Variants in RBFOX1 observed in about 807,000 individuals in gnomAD.
RBFOX1 encodes the protein RNA binding fox-1 homolog 1.
In RBFOX1, 8 loss-of-function variants were observed where a neutral mutation model predicts 57.7. The observed-to-expected ratio is 0.14, with a 90% CI of 0.08 to 0.25. The LOEUF (loss-of-function observed/expected upper bound fraction) is 0.25. RBFOX1 is among the 10% of genes least tolerant of loss of function. RBFOX1 has a pLI of 1.00. For missense variants in RBFOX1, 611 were observed against 548.5 expected, an observed-to-expected ratio of 1.11 and a Z score of -1.14; for synonymous variants, 326 against 222.4, an observed-to-expected ratio of 1.47 and a Z score of -4.15.
intron 2 of RBFOX1, among the ~76,000 whole-genome samples, chr16:5,572,422 G>T (rs2046313431): frequency 6.6e-6 from 1 of 152,192 alleles, no homozygotes; most frequent in Admixed American, 6.5e-5. Context: ...TCTTGGCGCT[G>T]TTAACATTTT....
chr16:6,238,496 G>A lies in RBFOX1; in HGVS notation c.-126-78499G>A, dbSNP rs1047953602. Among the ~76,000 whole-genome samples, 9 of 152,110 alleles carry A rather than the reference G, an allele frequency of 5.9e-5. No individual in the cohort carries two copies. The East Asian group carries it at 1.5e-3, about 26-fold the overall frequency. On this transcript the variant is annotated intron_variant, in intron 1 of 15. Coordinates refer to ENST00000550418, the MANE Select transcript of RBFOX1 (RefSeq NM_018723.4). ...AAAATAACAGATTTTATGGTACTTC[G>A]CTGTGGTTTTTCCATATGTCCAAAC...
At chr16:5,440,474 G>T (rs1041837058) in intron 1 of RBFOX1, among the ~76,000 whole-genome samples, 1 of 152,210 alleles carries the variant, frequency 6.6e-6, no homozygotes. Context: ...AAGGACTAAA[G>T]TCTCTAGGAC....
At chr16:7,329,324 A>G (rs1186418430) in intron 4 of RBFOX1, among the ~76,000 whole-genome samples, 1 of 152,158 alleles carries the variant, frequency 6.6e-6, no homozygotes, top group Non-Finnish European at 1.5e-5. Flanking sequence ...TTCTTCCACT[A>G]TTTAAAGTTC....
intron 3 of RBFOX1, among the ~76,000 whole-genome samples, chr16:6,904,897 C>A (rs1465212095): frequency 6.6e-6 from 1 of 152,070 alleles, no homozygotes; most frequent in Non-Finnish European, 1.5e-5. Context: ...CTACAAATTC[C>A]CCTGTTCCCA....
intron 2 of RBFOX1, among the ~76,000 whole-genome samples, chr16:6,386,952 G>C (rs982807935): frequency 6.6e-6 from 1 of 152,192 alleles, no homozygotes; most frequent in Non-Finnish European, 1.5e-5. Context: ...AATAAAGAGA[G>C]AGGTGTTGGG....
intron 2 of RBFOX1, among the ~76,000 whole-genome samples, chr16:5,515,260 G>T (rs2043749165): frequency 6.6e-6 from 1 of 152,254 alleles, no homozygotes; most frequent in Non-Finnish European, 1.5e-5. Context: ...TGGGCAAGTG[G>T]TCTGGGTAGA....
chr16:7,021,054 G>T (rs1202827835), intron 3 of RBFOX1, among the ~76,000 whole-genome samples: 3 of 152,118 alleles, frequency 2.0e-5, no homozygotes, highest in African/African-American at 7.2e-5. Flanking sequence ...GTTGAACCTG[G>T]GAGGCAGAGG....
In RBFOX1 at chr16:6,297,217, T is replaced by C. The variant is rs150313500; in HGVS notation, c.-126-19778T>C. ...ACCTATTTTATCAGCAAGATCTTTA[T>C]GACCTGTATCTTGTGCCAACCTCCT... On this transcript the variant is annotated intron_variant, in intron 1 of 15. Transcript: ENST00000550418. Among the ~76,000 whole-genome samples, 108 of 152,272 alleles carry C rather than the reference T, an allele frequency of 7.1e-4. 3 individuals carry two copies. In the East Asian group the frequency reaches 0.018, roughly 26 times the overall value.
intron 3 of RBFOX1, among the ~76,000 whole-genome samples, chr16:6,895,148 C>CA (rs1567758733): frequency 6.6e-6 from 1 of 151,780 alleles, no homozygotes; most frequent in Admixed American, 6.6e-5. Context: ...AGCACCAAAT[C>CA]AAAAAAGATG....
intron 1 of RBFOX1, among the ~76,000 whole-genome samples, chr16:5,408,013 C>T (rs932581819): frequency 2.0e-5 from 3 of 152,240 alleles, no homozygotes; most frequent in African/African-American, 7.2e-5. Flanking sequence ...TTGTGTCCTC[C>T]ACCTCCTGTG....
chr16:7,439,305 C>G (rs1167721827), intron 4 of RBFOX1, among the ~76,000 whole-genome samples: 1 of 151,832 alleles, frequency 6.6e-6, no homozygotes, highest in East Asian at 1.9e-4. Flanking sequence ...ACCTTCATGT[C>G]CCTCTTTTCA....
At chr16:6,708,739 C>T (rs1461775622) in intron 3 of RBFOX1, among the ~76,000 whole-genome samples, 33 of 152,194 alleles carry the variant, frequency 2.2e-4, no homozygotes, top group Admixed American at 2.2e-3. Flanking sequence ...CCCATTAGCT[C>T]AACTCAGGCG....
In RBFOX1 at chr16:6,473,907, G is replaced by A. The variant is rs552013065; in HGVS notation, c.-64+156850G>A. ...TGGACAAAAATTAGGAAAGCTGTCA[G>A]TTACGAATCTAGTCCTGATTGTTTC... On this transcript the variant is annotated intron_variant, in intron 2 of 15. Coordinates refer to ENST00000550418, the MANE Select transcript of RBFOX1 (RefSeq NM_018723.4). Among the ~76,000 whole-genome samples, 106 of 152,276 alleles carry A rather than the reference G, an allele frequency of 7.0e-4. 1 individual carries two copies. Among genetic ancestry groups the A allele is most frequent in the African/African-American group, 2.5e-3 (102 of 41,570 alleles).
At chr16:5,299,846 A>T (rs964889382) in intron 1 of RBFOX1, among the ~76,000 whole-genome samples, 4 of 152,156 alleles carry the variant, frequency 2.6e-5, no homozygotes, top group Non-Finnish European at 5.9e-5. Flanking sequence ...AGTGGGGATA[A>T]TGGGTATCCT....
chr16:7,605,160 C>CT (rs1214273542), intron 9 of RBFOX1, among the ~76,000 whole-genome samples: 6 of 151,846 alleles, frequency 4.0e-5, no homozygotes, highest in African/African-American at 9.7e-5. Context: ...AGGAATTAGA[C>CT]TTTTTTTTAA....
At chr16:7,221,364 T>C (rs1016831338) in intron 4 of RBFOX1, among the ~76,000 whole-genome samples, 2 of 148,388 alleles carry the variant, frequency 1.3e-5, no homozygotes, top group African/African-American at 5.0e-5. Flanking sequence ...TATTTATTTA[T>C]TTTTTTATTT....
chr16:5,373,131 A>G lies in RBFOX1; in HGVS notation c.220-94085A>G, dbSNP rs569932177. Among the ~76,000 whole-genome samples, 3 of 152,296 alleles carry G rather than the reference A, an allele frequency of 2.0e-5. No homozygotes were observed. In the East Asian group the frequency reaches 5.8e-4, roughly 29 times the overall value. On this transcript the variant is annotated intron_variant, in intron 1 of 2. Coordinates refer to the RBFOX1 transcript ENST00000585867. ...GGAGTGGGGAGGAGGAGGACGTGAA[A>G]TGGATTTTCTCGGCAGAACCATGGC...
intron 3 of RBFOX1, among the ~76,000 whole-genome samples, chr16:6,771,900 T>G (rs1031989931): frequency 2.6e-5 from 4 of 152,196 alleles, no homozygotes; most frequent in Non-Finnish European, 4.4e-5. Flanking sequence ...ACCTTTGGTG[T>G]TCTTTGAAGG....
intron 3 of RBFOX1, among the ~76,000 whole-genome samples, chr16:6,814,617 G>A (rs1257204684): frequency 6.6e-6 from 1 of 152,154 alleles, no homozygotes; most frequent in African/African-American, 2.4e-5. Context: ...TGGCAGTTAA[G>A]GACAGAGCTG....
Sources: allele counts gnomAD v4.1 joint callset (sites outside exome capture counted in the v4.1 genomes callset), GRCh38; gene constraint gnomAD v4.1.1; transcripts MANE v1.5; gene names NCBI Gene and HGNC (gene_info 2026-07-23, HGNC 2026-07-21).